Variants in SLC16A2 observed in about 807,000 individuals in gnomAD.
The protein encoded by SLC16A2 is solute carrier family 16 member 2.
A neutral mutation model predicts 27.2 loss-of-function variants in SLC16A2; 3 were observed. The observed-to-expected ratio is 0.11, with a 90% confidence interval of 0.05 to 0.28. The LOEUF (loss-of-function observed/expected upper bound fraction) is 0.28. SLC16A2 is among the 10% of genes least tolerant of loss of function. The pLI is 1.00. For missense variants in SLC16A2, 295 were observed against 458.5 expected (o/e 0.64, Z 3.26); for synonymous variants, 202 against 187.8 (o/e 1.08, Z -0.62).
chrX:74,506,496 T>C (rs1410088438), intron 1 of SLC16A2, among the ~76,000 whole-genome samples: 1 of 111,533 alleles, frequency 9.0e-6, no homozygotes. Flanking sequence ...GAAGGCCAAG[T>C]CCATAATGTC....
chrX:74,476,205 T>A (rs907625835), intron 1 of SLC16A2, among the ~76,000 whole-genome samples: 2 of 111,983 alleles, frequency 1.8e-5, no homozygotes, highest in Non-Finnish European at 3.8e-5. Flanking sequence ...ACATCCCTTG[T>A]AAGTTGGATT....
chrX:74,506,937 ATTTTTT>A (rs34001854), intron 1 of SLC16A2, among the ~76,000 whole-genome samples: 1,044 of 84,010 alleles, frequency 0.012, 3 homozygotes, highest in Non-Finnish European at 0.017. Flanking sequence ...TTATTTATTT[ATTTTTT>A]TTTTTTTGAG....
Position 74,524,482 on chromosome X carries a change from T to C in SLC16A2, c.699T>C (p.Gly233=). The stretch of plus-strand genomic sequence containing the variant: ...AACGCCGCCTGGGTCTGGCCAATGG[T>C]GTGGTGTCTGCTGGGAGTAGCATTT... ...YFQRRLGLAN[G]VVSAGSSIFS... The change falls in exon 3 of 6, where the codon GGT becomes GGC. Residue 233 remains glycine (G), a synonymous_variant. Transcript: ENST00000587091. The C allele has an allele frequency of 8.3e-7, 1 of 1,211,740 alleles. No individual in the cohort carries two copies. Among genetic ancestry groups the C allele is most frequent in the Non-Finnish European group, 1.1e-6 (1 of 895,477 alleles).
At chrX:74,447,544 C>T (rs938161308) in intron 1 of SLC16A2, among the ~76,000 whole-genome samples, 2 of 110,205 alleles carry the variant, frequency 1.8e-5, no homozygotes, top group African/African-American at 6.6e-5. Flanking sequence ...CATGGTGGCT[C>T]GCACACTGTA....
In SLC16A2 at chrX:74,511,166, G is replaced by C. The variant is rs764242176; in HGVS notation, c.431-9824G>C. On this transcript the variant is annotated intron_variant, in intron 1 of 5. Coordinates refer to ENST00000587091, the MANE Select transcript of SLC16A2 (RefSeq NM_006517.5). ...GTGGAGAGATAAAAATGAGATTCGT[G>C]GTTTTTTTTATTTTATTTATTTTAT... Among the ~76,000 whole-genome samples, 20 of 111,065 alleles carry C rather than the reference G, an allele frequency of 1.8e-4. 1 individual carries two copies. The highest frequency in any genetic ancestry group is 3.4e-4 in the Non-Finnish European group (18 of 52,918).
At chrX:74,451,129 C>T (rs1464547584) in intron 1 of SLC16A2, among the ~76,000 whole-genome samples, 1 of 111,783 alleles carries the variant, frequency 8.9e-6, no homozygotes, top group Admixed American at 9.5e-5. Context: ...TATTGGAAAT[C>T]TTTTATTCTC....
chrX:74,523,366 G>A (rs2147870199), intron 2 of SLC16A2, among the ~76,000 whole-genome samples: 1 of 112,704 alleles, frequency 8.9e-6, no homozygotes, highest in African/African-American at 3.2e-5. Flanking sequence ...CTCCAGAGAA[G>A]AACTGCCTGA....
chrX:74,444,610 T>C (rs966267190), intron 1 of SLC16A2, among the ~76,000 whole-genome samples: 8 of 112,409 alleles, frequency 7.1e-5, no homozygotes, highest in African/African-American at 2.3e-4. Flanking sequence ...AAGACCAGCC[T>C]GTTTTTTAAA....
intron 1 of SLC16A2, among the ~76,000 whole-genome samples, chrX:74,515,392 C>A (rs1930301851): frequency 9.1e-6 from 1 of 110,221 alleles, no homozygotes; most frequent in Non-Finnish European, 1.9e-5. Flanking sequence ...ATGGAAAGAG[C>A]CTCAGATGCC....
rs757802052 is a variant in SLC16A2, at chrX:74,493,872, C to T, written c.431-27118C>T. 1.8e-4 allele frequency among the ~76,000 whole-genome samples: 20 copies of T among 111,604 alleles called. No homozygotes were observed. The East Asian group carries it at 4.0e-3, about 22-fold the overall frequency. ...CACGGAAAGTGGGGGTTGTGAGGACCTTACCCCCATTCCCATCCCCCCAGC... is the reference window on the plus strand; with the variant it reads ...CACGGAAAGTGGGGGTTGTGAGGACTTTACCCCCATTCCCATCCCCCCAGC... On this transcript the variant is annotated intron_variant, in intron 1 of 5. Coordinates refer to ENST00000587091, the MANE Select transcript of SLC16A2 (RefSeq NM_006517.5).
intron 1 of SLC16A2, among the ~76,000 whole-genome samples, chrX:74,478,392 G>T (rs940179347): frequency 4.5e-5 from 5 of 111,458 alleles, no homozygotes; most frequent in African/African-American, 1.6e-4. Context: ...CTCTGCACAT[G>T]AGATGGGTTT....
intron 1 of SLC16A2, among the ~76,000 whole-genome samples, chrX:74,443,595 G>T (rs1324909890): frequency 8.9e-6 from 1 of 112,437 alleles, no homozygotes; most frequent in South Asian, 3.7e-4. Flanking sequence ...TATCCAGAAG[G>T]TGCTCTGGGT....
intron 2 of SLC16A2, among the ~76,000 whole-genome samples, chrX:74,522,898 A>G (rs1349135679): frequency 8.9e-6 from 1 of 111,893 alleles, no homozygotes; most frequent in Non-Finnish European, 1.9e-5. Flanking sequence ...TGTTGTCTCA[A>G]TCAGGGCCCT....
chrX:74,425,859 A>T (rs1928392599), intron 1 of SLC16A2, among the ~76,000 whole-genome samples: 1 of 112,179 alleles, frequency 8.9e-6, no homozygotes, highest in Non-Finnish European at 1.9e-5. Flanking sequence ...TGGGCAGTTT[A>T]TAAGCATGGT....
chrX:74,486,630 G>A (rs978494362), intron 1 of SLC16A2, among the ~76,000 whole-genome samples: 7 of 112,228 alleles, frequency 6.2e-5, no homozygotes, highest in African/African-American at 2.3e-4. Flanking sequence ...CTTTTACACT[G>A]TTGGTGGGAC....
chrX:74,456,987 C>A (rs1929050993), intron 1 of SLC16A2, among the ~76,000 whole-genome samples: 2 of 111,427 alleles, frequency 1.8e-5, no homozygotes, highest in Admixed American at 9.5e-5. Flanking sequence ...AGCTGATAGG[C>A]CAGTGTGCAC....
At chrX:74,523,044 A>G (rs1402174721) in intron 2 of SLC16A2, among the ~76,000 whole-genome samples, 1 of 105,392 alleles carries the variant, frequency 9.5e-6, no homozygotes, top group Non-Finnish European at 2.0e-5. Flanking sequence ...ACCAAATCCT[A>G]TGTTTTTCCC....
intron 1 of SLC16A2, among the ~76,000 whole-genome samples, chrX:74,457,114 C>A (rs1010601031): frequency 9.5e-6 from 1 of 104,794 alleles, no homozygotes; most frequent in Non-Finnish European, 2.0e-5. Context: ...CTCTGGGGAG[C>A]TTAAAAAAAT....
chrX:74,428,978 GC>G (rs1018351452), intron 1 of SLC16A2, among the ~76,000 whole-genome samples: 5 of 110,915 alleles, frequency 4.5e-5, no homozygotes, highest in African/African-American at 1.6e-4. Flanking sequence ...TCTATTTTGA[GC>G]CCCTGACATC....
Sources: gnomAD v4.1 joint callset for allele counts (sites outside exome capture counted in the v4.1 genomes callset) on GRCh38, gnomAD v4.1.1 for gene constraint, MANE v1.5 for transcripts, NCBI Gene and HGNC (gene_info 2026-07-23, HGNC 2026-07-21) for gene names.